Variants in TMEM272 observed in about 807,000 individuals in gnomAD.
TMEM272 encodes long intergenic non-protein coding RNA 282.
Under a neutral mutation model 3.7 loss-of-function variants are expected in TMEM272, and 8 were observed. That is an observed-to-expected ratio of 2.17 (90% CI 1.27 to 3.91). The LOEUF (loss-of-function observed/expected upper bound fraction) is 3.91. Among genes scored for constraint, TMEM272 ranks in the 30% most tolerant of loss-of-function variants. The pLI is 0.00. For missense variants in TMEM272, 166 were observed against 91.5 expected (o/e 1.81, Z -3.32); for synonymous variants, 63 against 39.8 (o/e 1.58, Z -2.20).
At chr13:51,852,594 C>T in the TMEM272 span, among the ~76,000 whole-genome samples, 3 of 152,068 alleles carry the variant, frequency 2.0e-5, no homozygotes, top group Admixed American at 6.6e-5. Context: ...TACAGTTGAC[C>T]CGCGGCCGGG....
the TMEM272 span, chr13:51,865,871 G>A: frequency 1.9e-6 from 3 of 1,613,412 alleles, no homozygotes; most frequent in Non-Finnish European, 2.5e-6. Flanking sequence ...GGCCCTGTGG[G>A]TAGAGGAAAG....
the TMEM272 span, among the ~76,000 whole-genome samples, chr13:51,889,421 A>G: frequency 6.6e-6 from 1 of 151,972 alleles, no homozygotes; most frequent in African/African-American, 2.4e-5. Context: ...GTAGCCTTAC[A>G]AGAAGAGGAG....
the TMEM272 span, among the ~76,000 whole-genome samples, chr13:51,904,371 T>C: frequency 6.6e-6 from 1 of 152,176 alleles, no homozygotes; most frequent in East Asian, 1.9e-4. Context: ...TTATATGCAA[T>C]TCTTATGATG....
Position 51,815,283 on chromosome 13 carries a change from T to C in TMEM272, c.*1468A>G, listed in dbSNP as rs573305130. 2 of 152,804 alleles carry C rather than the reference T, an allele frequency of 1.3e-5. No homozygotes were observed. Among genetic ancestry groups the C allele is most frequent in the African/African-American group, 2.4e-5 (1 of 41,580 alleles). 9.5% of individuals were successfully genotyped at this position (152,804 alleles called of 1,614,324 possible). On this transcript the variant is annotated 3_prime_UTR_variant, in exon 5 of 5. Coordinates refer to ENST00000629372, the MANE Select transcript of TMEM272 (RefSeq NM_001351003.2). ...GACAGGGGCAAAAAAAGGGCTGTTC[T>C]TCCTTTGTCCAGCAGATGGCACACC...
At chr13:51,858,488 C>T in the TMEM272 span, among the ~76,000 whole-genome samples, 2 of 152,160 alleles carry the variant, frequency 1.3e-5, no homozygotes, top group South Asian at 4.1e-4. Flanking sequence ...AAGCAATGTA[C>T]TTGTAAATAG....
At chr13:51,918,165 T>C in the TMEM272 span, among the ~76,000 whole-genome samples, 20 of 152,236 alleles carry the variant, frequency 1.3e-4, no homozygotes, top group Non-Finnish European at 2.4e-4. Flanking sequence ...TCTTGAATGT[T>C]TCTCTCGAAG....
At chr13:51,916,067 C>A in the TMEM272 span, among the ~76,000 whole-genome samples, 2 of 152,084 alleles carry the variant, frequency 1.3e-5, no homozygotes, top group Non-Finnish European at 2.9e-5. Flanking sequence ...AGGGAGACCT[C>A]TTCTCAAAAA....
At chr13:51,869,313 G>A in the TMEM272 span, among the ~76,000 whole-genome samples, 1 of 152,116 alleles carries the variant, frequency 6.6e-6, no homozygotes, top group Admixed American at 6.5e-5. Flanking sequence ...CGAGGAGGGT[G>A]GACCATGTCC....
the TMEM272 span, among the ~76,000 whole-genome samples, chr13:51,883,568 T>C: frequency 1.3e-5 from 2 of 152,026 alleles, no homozygotes; most frequent in Non-Finnish European, 2.9e-5. Flanking sequence ...TGGGTGAGCT[T>C]TGGAAAAAGC....
At position 51,824,029 on chromosome 13, in the gene TMEM272, G is replaced by T. The variant is rs932515100; in HGVS notation, c.119-1892C>A. Among the ~76,000 whole-genome samples, 6 of 152,358 alleles carry T rather than the reference G, an allele frequency of 3.9e-5. No homozygotes were observed. In the East Asian group the frequency reaches 9.6e-4, roughly 24 times the overall value. ...CCTTTAAGTACTTGGTGCCAAATTT[G>T]TTGGACATGGACTGCCTTTCAATTC... On this transcript the variant is annotated intron_variant, in intron 3 of 4. Transcript: ENST00000629372.
At chr13:51,859,371 T>C in the TMEM272 span, among the ~76,000 whole-genome samples, 1 of 152,028 alleles carries the variant, frequency 6.6e-6, no homozygotes, top group East Asian at 1.9e-4. Flanking sequence ...GAGAAAGACC[T>C]GAGAAGGCCA....
At chr13:51,868,239 G>A in the TMEM272 span, among the ~76,000 whole-genome samples, 17 of 152,286 alleles carry the variant, frequency 1.1e-4, no homozygotes, top group African/African-American at 3.4e-4. Flanking sequence ...GAAGCTTTCC[G>A]TCCAGTGCGG....
At chr13:51,897,362 ATTTTTTTTTTTTT>A in the TMEM272 span, among the ~76,000 whole-genome samples, 86 of 82,438 alleles carry the variant, frequency 1.0e-3, 1 homozygote, top group Admixed American at 5.3e-3. Flanking sequence ...TGTCTGGCTA[ATTTTTTTTTTTTT>A]TTTTTTTTTT....
At chr13:51,910,660 G>A in the TMEM272 span, 151 of 471,124 alleles carry the variant, frequency 3.2e-4, no homozygotes, top group South Asian at 2.9e-3. Context: ...AAGTAACCAT[G>A]GCCTGTCGAG....
At position 51,837,357 on chromosome 13, in the gene TMEM272, T is replaced by C. The variant is rs74649965; in HGVS notation, c.58+1116A>G. Among the ~76,000 whole-genome samples, 8 of 152,326 alleles carry C rather than the reference T, an allele frequency of 5.3e-5. No individual in the cohort carries two copies. In the East Asian group the frequency reaches 1.5e-3, roughly 29 times the overall value. On this transcript the variant is annotated intron_variant, in intron 2 of 4. Coordinates refer to ENST00000629372, the MANE Select transcript of TMEM272 (RefSeq NM_001351003.2). ...TATAGCTGATGGTGTCTCCTTTCCC[T>C]GCCGGCAGTAAACCTATGAGTTTTC... is the stretch of plus-strand genomic sequence containing the variant.
chr13:51,881,098 C>A, the TMEM272 span, among the ~76,000 whole-genome samples: 2 of 152,152 alleles, frequency 1.3e-5, no homozygotes, highest in African/African-American at 4.8e-5. Context: ...TAACAATCAC[C>A]AAGTATTCTG....
chr13:51,905,926 C>T, the TMEM272 span, among the ~76,000 whole-genome samples: 1 of 152,172 alleles, frequency 6.6e-6, no homozygotes, highest in African/African-American at 2.4e-5. Flanking sequence ...AGGTAGGAGT[C>T]TCACTGAGAC....
chr13:51,825,551 T>C (rs1165243885), intron 3 of TMEM272, among the ~76,000 whole-genome samples: 3 of 152,126 alleles, frequency 2.0e-5, no homozygotes, highest in African/African-American at 7.2e-5. Context: ...ACAACTCCTA[T>C]GCTCTTTTAC....
At chr13:51,855,782 C>T in the TMEM272 span, among the ~76,000 whole-genome samples, 1 of 151,842 alleles carries the variant, frequency 6.6e-6, no homozygotes, top group Non-Finnish European at 1.5e-5. Flanking sequence ...TATAAGGAAC[C>T]CAGTGAAAAT....
Sources: allele counts gnomAD v4.1 joint callset (sites outside exome capture counted in the v4.1 genomes callset), GRCh38; gene constraint gnomAD v4.1.1; transcripts MANE v1.5; gene names NCBI Gene and HGNC (gene_info 2026-07-23, HGNC 2026-07-21).